The following ROCK2 variants were observed in gnomAD, a reference collection of about 807,000 sequenced individuals.
ROCK2 encodes rho-associated protein kinase 2.
ROCK2 carries 61 observed loss-of-function variants against 195.1 expected under a neutral mutation model. The ratio of observed to expected loss-of-function variants is 0.31; its 90% confidence interval spans 0.25 to 0.39. ROCK2 has a LOEUF of 0.39. Ranked by LOEUF, ROCK2 falls within the 10% of genes least tolerant of loss-of-function variation. The probability of loss-of-function intolerance (pLI) is 1.00; values close to 1 mark genes in which losing one functional copy is unlikely to be tolerated. For synonymous variants in ROCK2, 504 were observed against 545.5 expected, an observed-to-expected ratio of 0.92 and a Z score of 1.06; for missense variants, 1,109 against 1,637.4, an observed-to-expected ratio of 0.68 and a Z score of 5.57.
At chr2:11,272,114 G>C (rs756085011) in intron 3 of ROCK2, among the ~76,000 whole-genome samples, 1 of 151,834 alleles carries the variant, frequency 6.6e-6, no homozygotes, top group Non-Finnish European at 1.5e-5. Context: ...GTTATTGTTT[G>C]ACTGGGTTTT....
intron 1 of ROCK2, among the ~76,000 whole-genome samples, chr2:11,339,746 T>C (rs1669045846): frequency 6.6e-6 from 1 of 151,934 alleles, no homozygotes; most frequent in Admixed American, 6.6e-5. Flanking sequence ...CTAAACAATA[T>C]TGTTTAGAGA....
At chr2:11,219,159 T>C (rs1664535373) in intron 9 of ROCK2, 133 bp from the exon 10 acceptor site, 2 of 448,142 alleles carry the variant, frequency 4.5e-6, no homozygotes, top group Non-Finnish European at 8.2e-6. Flanking sequence ...TATTTACAAA[T>C]GAAGCAATAT....
chr2:11,202,073 G>C lies in ROCK2; in HGVS notation c.2598C>G (p.Leu866=). Residue 866 remains leucine, a synonymous_variant, in exon 21 of 33, where the codon CTC becomes CTG. Coordinates refer to ENST00000315872, the MANE Select transcript of ROCK2 (RefSeq NM_004850.5). The part of the protein sequence containing the change: ...DGQMKELQDQ[L]EAEQYFSTLY... ...TTACTGAGAAATACTGTTCTGCTTC[G>C]AGCTGATCCTGGAGCTCTTTCATTT... is the stretch of plus-strand genomic sequence containing the variant. The C allele has an allele frequency of 6.2e-7, 1 of 1,613,608 alleles. No homozygotes were observed. Among genetic ancestry groups the C allele is most frequent in the Non-Finnish European group, 8.5e-7 (1 of 1,179,696 alleles).
chr2:11,253,119 C>G (rs1412541773), intron 3 of ROCK2, among the ~76,000 whole-genome samples: 2 of 152,060 alleles, frequency 1.3e-5, no homozygotes, highest in Non-Finnish European at 2.9e-5. Flanking sequence ...CCTTTTTACT[C>G]AGAGTATGCC....
chr2:11,336,753 T>C (rs1349664618), intron 1 of ROCK2, among the ~76,000 whole-genome samples: 2 of 152,054 alleles, frequency 1.3e-5, no homozygotes, highest in East Asian at 3.9e-4. Context: ...TGGATAATTA[T>C]GTGGAGAAAA....
At chr2:11,320,959 A>G (rs1051093995) in intron 1 of ROCK2, among the ~76,000 whole-genome samples, 2 of 152,238 alleles carry the variant, frequency 1.3e-5, no homozygotes, top group African/African-American at 4.8e-5. Context: ...TCTTCAGTAG[A>G]GAACATATCT....
chr2:11,256,867 TCTATA>T (rs1666054279), intron 3 of ROCK2, among the ~76,000 whole-genome samples: 1 of 151,136 alleles, frequency 6.6e-6, no homozygotes, highest in Non-Finnish European at 1.5e-5. Flanking sequence ...AACGGACAAA[TCTATA>T]CCTTCAGTTG....
In ROCK2 at chr2:11,217,335, A is replaced by G. The variant is rs757990688; in HGVS notation, c.1333-166T>C. ...AATGTGACTTATATTGATAAAAGGA[A>G]AAACTCCCCCATCTCTTGCTTTCTA... On this transcript the variant is annotated intron_variant, in intron 11 of 32. Transcript: ENST00000315872. 4 of 715,556 alleles carry G rather than the reference A, an allele frequency of 5.6e-6. No individual in the cohort carries two copies. The Admixed American group carries it at 7.0e-5, about 12-fold the overall frequency. The allele number at this position is 715,556 out of a possible 1,614,324, so 44.3% of individuals were successfully genotyped here.
chr2:11,281,431 G>GTA (rs1429730975), intron 3 of ROCK2, among the ~76,000 whole-genome samples: 2 of 152,114 alleles, frequency 1.3e-5, no homozygotes, highest in African/African-American at 4.8e-5. Flanking sequence ...GAAGTAAAGC[G>GTA]TATACAGATT....
chr2:11,203,184 G>T (rs1663925753), intron 20 of ROCK2, among the ~76,000 whole-genome samples: 2 of 152,042 alleles, frequency 1.3e-5, no homozygotes, highest in African/African-American at 4.8e-5. Flanking sequence ...GGTTGAAATG[G>T]TACATTAAAT....
At chr2:11,275,416 T>C (rs1196631937) in intron 3 of ROCK2, among the ~76,000 whole-genome samples, 1 of 152,122 alleles carries the variant, frequency 6.6e-6, no homozygotes, top group Non-Finnish European at 1.5e-5. Context: ...AAAGCAAAAC[T>C]ACAGGTAAGG....
At position 11,179,884 on chromosome 2, in the gene ROCK2, CAG is replaced by C. The variant is rs1394496100; in HGVS notation, c.*3551_*3552del. On this transcript the variant is annotated 3_prime_UTR_variant, in exon 33 of 33. Transcript: ENST00000315872. ...AAAGAAAAAGGGGTGCAATTTTTTTCAGAGAGGACAGCTGATCAAATATTTAT... is the reference window on the plus strand; with the variant it reads ...AAAGAAAAAGGGGTGCAATTTTTTTCAGAGGACAGCTGATCAAATATTTAT... 2.0e-5 allele frequency: 3 copies of C among 151,944 alleles called. No individual in the cohort carries two copies. The highest frequency in any genetic ancestry group is 1.9e-4 in the East Asian group (1 of 5,202). The allele number at this position is 151,944 out of a possible 1,614,324, so 9.4% of individuals were successfully genotyped here.
At chr2:11,301,617 A>G (rs1462189574) in intron 1 of ROCK2, among the ~76,000 whole-genome samples, 2 of 151,782 alleles carry the variant, frequency 1.3e-5, no homozygotes, top group East Asian at 4.0e-4. Flanking sequence ...TCTCTACTAA[A>G]AATACAAAAA....
intron 1 of ROCK2, among the ~76,000 whole-genome samples, chr2:11,330,894 GGAGGAGGAAGAGA>G (rs1158906962): frequency 1.2e-4 from 6 of 48,878 alleles, no homozygotes; most frequent in African/African-American, 2.5e-4. Flanking sequence ...TGAGGAGGAG[GGAGGAGGAAGAGA>G]GAGGAGGAGG....
At chr2:11,320,397 A>G (rs940846430) in intron 1 of ROCK2, among the ~76,000 whole-genome samples, 2 of 152,210 alleles carry the variant, frequency 1.3e-5, no homozygotes, top group Non-Finnish European at 2.9e-5. Flanking sequence ...GTGCAGCTGT[A>G]ATCAGCTGGA....
chr2:11,211,145 T>C (rs1013403986), intron 18 of ROCK2, among the ~76,000 whole-genome samples: 3 of 152,212 alleles, frequency 2.0e-5, no homozygotes, highest in Admixed American at 6.5e-5. Flanking sequence ...TGTTATCTAT[T>C]AGTATTATAT....
At chr2:11,225,516 A>G (rs1169963329) in intron 6 of ROCK2, among the ~76,000 whole-genome samples, 1 of 151,700 alleles carries the variant, frequency 6.6e-6, no homozygotes, top group East Asian at 1.9e-4. Context: ...TTTTATTATT[A>G]CTTTTTTAGA....
At chr2:11,290,906 A>G (rs1225906636) in intron 1 of ROCK2, among the ~76,000 whole-genome samples, 7 of 152,132 alleles carry the variant, frequency 4.6e-5, no homozygotes, top group Non-Finnish European at 8.8e-5. Flanking sequence ...CACAGCTTTC[A>G]ATCAAGCCTT....
At chr2:11,231,915 T>C (rs1336054543) in intron 5 of ROCK2, among the ~76,000 whole-genome samples, 4 of 152,228 alleles carry the variant, frequency 2.6e-5, no homozygotes, top group Non-Finnish European at 5.9e-5. Context: ...CATATATGTC[T>C]ATATTATAGA....
Sources: gnomAD v4.1 joint callset for allele counts (sites outside exome capture counted in the v4.1 genomes callset) on GRCh38, gnomAD v4.1.1 for gene constraint, MANE v1.5 for transcripts, NCBI Gene and HGNC (gene_info 2026-07-23, HGNC 2026-07-21) for gene names.